LAMA2: variants seen among roughly 807,000 people sequenced by gnomAD.
LAMA2 encodes laminin subunit alpha 2, also known as laminin subunit alpha-2.
Under a neutral mutation model 364.8 loss-of-function variants are expected in LAMA2, and 269 were observed. That is an observed-to-expected ratio of 0.74 (90% CI 0.67 to 0.82). LAMA2 has a LOEUF of 0.82. Ranked by LOEUF, LAMA2 falls within the 40% of genes least tolerant of loss-of-function variation. The pLI, the probability that LAMA2 is intolerant of heterozygous loss-of-function variation, is 0.00. For synonymous variants in LAMA2, 1,379 were observed against 1,370.6 expected, an observed-to-expected ratio of 1.01 and a Z score of -0.14; for missense variants, 3,807 against 3,873.2, an observed-to-expected ratio of 0.98 and a Z score of 0.45.
chr6:129,224,299 A>G (rs1470675587), intron 12 of LAMA2, among the ~76,000 whole-genome samples: 2 of 152,206 alleles, frequency 1.3e-5, no homozygotes. Context: ...AAACAGGGAC[A>G]ATTTGACTAC....
rs557354068 is a variant in LAMA2, at chr6:129,010,638, C to T, written c.113-39280C>T. ...GAATGGCATTTCACATTGAGAAAAA[C>T]TAGGGAGAAGCACTGAAGAATTAAT... is the stretch of plus-strand genomic sequence containing the variant. On this transcript the variant is annotated intron_variant, in intron 1 of 64. Transcript: ENST00000421865. 2.6e-5 allele frequency among the ~76,000 whole-genome samples: 4 copies of T among 152,308 alleles called. No individual in the cohort carries two copies. The East Asian group carries it at 7.7e-4, about 29-fold the overall frequency.
At chr6:129,042,849 T>G (rs1392938735) in intron 1 of LAMA2, among the ~76,000 whole-genome samples, 1 of 152,236 alleles carries the variant, frequency 6.6e-6, no homozygotes, top group African/African-American at 2.4e-5. Context: ...AGTAATTTGT[T>G]CCATTTTTAT....
chr6:129,229,350 A>G (rs1784526623), intron 12 of LAMA2, among the ~76,000 whole-genome samples: 1 of 152,178 alleles, frequency 6.6e-6, no homozygotes, highest in South Asian at 2.1e-4. Flanking sequence ...CTTAGGACAA[A>G]GAGAAAGTAA....
rs1562324080 is a variant in LAMA2 at position 129,200,246 on chromosome 6, A to ATATATACGTGTACACATATACATGTGTG, written c.1782+7399_1782+7400insCGTGTACACATATACATGTGTGTATATA. On this transcript the variant is annotated intron_variant, in intron 12 of 64. Transcript: ENST00000421865. ...TATACGTGTACACATATACATGTGTATATATATACGTGTACACATATACAT... is the reference window on the plus strand; with the variant it reads ...TATACGTGTACACATATACATGTGTATATATACGTGTACACATATACATGTGTGTATATATACGTGTACACATATACAT... 1.7e-3 allele frequency among the ~76,000 whole-genome samples: 206 copies of ATATATACGTGTACACATATACATGTGTG among 118,434 alleles called. 23 individuals are homozygous for ATATATACGTGTACACATATACATGTGTG. The highest frequency in any genetic ancestry group is 8.5e-3 in the African/African-American group (197 of 23,248). 77.7% of individuals were successfully genotyped at this position (118,434 alleles called of 152,430 possible).
intron 14 of LAMA2, among the ~76,000 whole-genome samples, chr6:129,260,484 A>C (rs1787042038): frequency 6.6e-6 from 1 of 151,266 alleles, no homozygotes; most frequent in African/African-American, 2.5e-5. Flanking sequence ...GAACATTCTC[A>C]TATCTTTTCA....
chr6:128,884,352 TATG>T lies in LAMA2; in HGVS notation c.112+997_112+999del, dbSNP rs539227870. Among the ~76,000 whole-genome samples, 23 of 152,226 alleles carry T rather than the reference TATG, an allele frequency of 1.5e-4. No individual in the cohort carries two copies. In the East Asian group the frequency reaches 4.2e-3, roughly 28 times the overall value. On this transcript the variant is annotated intron_variant, in intron 1 of 64. Coordinates refer to ENST00000421865, the MANE Select transcript of LAMA2 (RefSeq NM_000426.4). ...GAAATATTTATTATTCGGTTTTAAA[TATG>T]AAAATGTTTAACCTAAGAGTACAAA...
chr6:129,215,838 A>C (rs1783392339), intron 12 of LAMA2, among the ~76,000 whole-genome samples: 1 of 152,190 alleles, frequency 6.6e-6, no homozygotes, highest in African/African-American at 2.4e-5. Flanking sequence ...ACATTTCCAG[A>C]AAATAAAACT....
intron 12 of LAMA2, among the ~76,000 whole-genome samples, chr6:129,204,420 C>T (rs1340225047): frequency 6.9e-6 from 1 of 145,406 alleles, no homozygotes; most frequent in Non-Finnish European, 1.5e-5. Context: ...TACAATGTGG[C>T]AAGTTAAAAT....
chr6:128,993,611 C>T (rs1261144131), intron 1 of LAMA2, among the ~76,000 whole-genome samples: 1 of 151,858 alleles, frequency 6.6e-6, no homozygotes, highest in Non-Finnish European at 1.5e-5. Flanking sequence ...GGTTGACAGT[C>T]GTGGTATATG....
At chr6:129,028,277 T>C (rs1364039405) in intron 1 of LAMA2, among the ~76,000 whole-genome samples, 1 of 151,886 alleles carries the variant, frequency 6.6e-6, no homozygotes, top group Non-Finnish European at 1.5e-5. Flanking sequence ...CTAACTCATA[T>C]TGTATATCAG....
intron 3 of LAMA2, among the ~76,000 whole-genome samples, chr6:129,097,395 C>T (rs557002560): frequency 9.9e-4 from 150 of 152,218 alleles, no homozygotes; most frequent in Admixed American, 4.1e-3. Context: ...TCTTTTTTTA[C>T]GTCTTCAAAT....
chr6:129,291,868 G>T, intron 20 of LAMA2, 148 bp downstream of exon 20: 1 of 677,098 alleles, frequency 1.5e-6, no homozygotes, highest in East Asian at 2.7e-5. Context: ...TCAGTGAAAA[G>T]TTTTTTTCAA....
At chr6:128,921,814 G>A (rs901044936) in intron 1 of LAMA2, among the ~76,000 whole-genome samples, 7 of 149,774 alleles carry the variant, frequency 4.7e-5, no homozygotes, top group African/African-American at 7.4e-5. Context: ...CCACTAACTC[G>A]TCATCTAGCA....
chr6:129,320,160 A>T (rs1342973185), intron 27 of LAMA2, among the ~76,000 whole-genome samples: 141 of 116,626 alleles, frequency 1.2e-3, no homozygotes, highest in Admixed American at 1.8e-3. Flanking sequence ...AATAAATAAA[A>T]AGAAAAAAAA....
intron 1 of LAMA2, among the ~76,000 whole-genome samples, chr6:129,010,576 G>T (rs1471854142): frequency 1.3e-5 from 2 of 152,194 alleles, no homozygotes; most frequent in African/African-American, 4.8e-5. Flanking sequence ...TGACTCTAAG[G>T]TCATAACGTG....
Position 129,391,471 on chromosome 6 carries a change from A to G in LAMA2, c.5072-20A>G. 1 of 1,606,462 alleles carries G rather than the reference A, an allele frequency of 6.2e-7. No homozygotes were observed. The highest frequency in any genetic ancestry group is 8.5e-7 in the Non-Finnish European group (1 of 1,173,388). ...GCATGTTTGTTTACTAATTTACAAA[A>G]TTTGTTTTACCCCCTGCAGCTGTAA... is the stretch of plus-strand genomic sequence containing the variant. On this transcript the variant is annotated intron_variant, in intron 35 of 64. Transcript: ENST00000421865.
intron 1 of LAMA2, among the ~76,000 whole-genome samples, chr6:129,046,966 A>G (rs1787558767): frequency 6.6e-6 from 1 of 152,226 alleles, no homozygotes; most frequent in Non-Finnish European, 1.5e-5. Flanking sequence ...AACATATTTG[A>G]TGAAGGAATA....
At chr6:129,502,817 A>G (rs1785754462) in intron 59 of LAMA2, 46 bp downstream of exon 59, 3 of 1,250,124 alleles carry the variant, frequency 2.4e-6, no homozygotes, top group Admixed American at 1.7e-5. Context: ...TAAATGAAGA[A>G]CTGAGTATTT....
At chr6:129,487,709 T>A (rs1051491751) in intron 56 of LAMA2, among the ~76,000 whole-genome samples, 1 of 152,172 alleles carries the variant, frequency 6.6e-6, no homozygotes, top group African/African-American at 2.4e-5. Flanking sequence ...TTTATTATTA[T>A]TATTATTAGG....
Sources: gnomAD v4.1 joint callset for allele counts (sites outside exome capture counted in the v4.1 genomes callset) on GRCh38, gnomAD v4.1.1 for gene constraint, MANE v1.5 for transcripts, NCBI Gene and HGNC (gene_info 2026-07-23, HGNC 2026-07-21) for gene names.